MDGA2: variants seen among roughly 807,000 people sequenced by gnomAD.
MDGA2 encodes MAM domain containing glycosylphosphatidylinositol anchor 2.
A neutral mutation model predicts 117.8 loss-of-function variants in MDGA2; 40 were observed. The observed-to-expected ratio is 0.34, with a 90% CI of 0.26 to 0.44. MDGA2 has a LOEUF of 0.44. MDGA2 is among the 20% of genes least tolerant of loss of function. MDGA2 has a pLI of 1.00. For synonymous variants in MDGA2, 452 were observed against 439.0 expected, an observed-to-expected ratio of 1.03 and a Z score of -0.37; for missense variants, 1,123 against 1,250.6, an observed-to-expected ratio of 0.90 and a Z score of 1.54.
chr14:47,662,526 T>C (rs1035132957), intron 1 of MDGA2, among the ~76,000 whole-genome samples: 1 of 152,042 alleles, frequency 6.6e-6, no homozygotes, highest in Non-Finnish European at 1.5e-5. Flanking sequence ...TTAGTATCAA[T>C]GACGACAGAA....
At chr14:47,119,913 A>G (rs995888092) in intron 5 of MDGA2, among the ~76,000 whole-genome samples, 15 of 152,160 alleles carry the variant, frequency 9.9e-5, no homozygotes, top group African/African-American at 3.6e-4. Context: ...TGCACTTAAT[A>G]TGTGACAATC....
At chr14:47,325,403 A>G (rs1233252196) in intron 1 of MDGA2, among the ~76,000 whole-genome samples, 1 of 152,184 alleles carries the variant, frequency 6.6e-6, no homozygotes, top group Non-Finnish European at 1.5e-5. Flanking sequence ...TGATTGTCAG[A>G]AAATAAGCTT....
At chr14:46,947,134 A>G (rs1885198475) in intron 9 of MDGA2, among the ~76,000 whole-genome samples, 1 of 152,088 alleles carries the variant, frequency 6.6e-6, no homozygotes, top group Non-Finnish European at 1.5e-5. Context: ...TTATCTTTGT[A>G]AGATAAACTT....
At chr14:47,026,849 A>T (rs1888490631) in intron 8 of MDGA2, among the ~76,000 whole-genome samples, 1 of 152,166 alleles carries the variant, frequency 6.6e-6, no homozygotes, top group Admixed American at 6.5e-5. Flanking sequence ...AAAAGCCCCC[A>T]GGAACAGAGG....
At chr14:47,651,213 GGTGTGTGTGTGT>G (rs56853118) in intron 1 of MDGA2, among the ~76,000 whole-genome samples, 54 of 146,518 alleles carry the variant, frequency 3.7e-4, no homozygotes, top group African/African-American at 1.1e-3. Flanking sequence ...GTGTGCATGT[GGTGTGTGTGTGT>G]GTGTGTGTGT....
chr14:46,890,546 A>G (rs2138415996), intron 10 of MDGA2, among the ~76,000 whole-genome samples: 1 of 152,226 alleles, frequency 6.6e-6, no homozygotes, highest in Middle Eastern at 3.4e-3. Context: ...AGCAGCCCTC[A>G]GGTAAAGACA....
intron 6 of MDGA2, among the ~76,000 whole-genome samples, chr14:47,062,839 C>T (rs1486645207): frequency 6.6e-6 from 1 of 152,022 alleles, no homozygotes; most frequent in African/African-American, 2.4e-5. Context: ...GTCTTAAAAA[C>T]TTTTCTAAGT....
At chr14:47,153,875 A>G (rs1365133746) in intron 3 of MDGA2, among the ~76,000 whole-genome samples, 4 of 152,264 alleles carry the variant, frequency 2.6e-5, no homozygotes, top group Admixed American at 2.6e-4. Flanking sequence ...AAGACAACAG[A>G]ACTGGAAAGT....
rs367655248 is a variant in MDGA2, at chr14:47,487,940, T to G, written c.281-186390A>C. Among the ~76,000 whole-genome samples the G allele has an allele frequency of 2.0e-5, 3 of 152,270 alleles. No individual in the cohort carries two copies. In the East Asian group the frequency reaches 5.8e-4, roughly 29 times the overall value. ...TATTTTTATGTATCATACCAGAATT[T>G]TCTTGCCTATGAAGCATTGCAGCAG... On this transcript the variant is annotated intron_variant, in intron 1 of 16. Transcript: ENST00000399232.
At chr14:47,505,406 C>A (rs1411235738) in intron 1 of MDGA2, among the ~76,000 whole-genome samples, 1 of 152,132 alleles carries the variant, frequency 6.6e-6, no homozygotes, top group East Asian at 1.9e-4. Flanking sequence ...TATGCACTAA[C>A]TACCCTGACT....
intron 1 of MDGA2, among the ~76,000 whole-genome samples, chr14:47,647,591 T>C (rs951352102): frequency 3.3e-5 from 5 of 152,166 alleles, no homozygotes; most frequent in African/African-American, 9.6e-5. Context: ...TCTCCTCTTA[T>C]AGAAAAAAGT....
intron 1 of MDGA2, among the ~76,000 whole-genome samples, chr14:47,314,239 C>A (rs981884746): frequency 1.3e-5 from 2 of 152,100 alleles, no homozygotes; most frequent in Non-Finnish European, 2.9e-5. Flanking sequence ...ATCATTAATG[C>A]TTAATGGAAC....
At chr14:47,153,147 G>T (rs1883227592) in intron 3 of MDGA2, among the ~76,000 whole-genome samples, 1 of 152,168 alleles carries the variant, frequency 6.6e-6, no homozygotes, top group South Asian at 2.1e-4. Flanking sequence ...TTTTTAGCCA[G>T]GCTTTCGCTT....
intron 3 of MDGA2, among the ~76,000 whole-genome samples, chr14:47,167,586 G>C (rs575275762): frequency 6.6e-6 from 1 of 152,078 alleles, no homozygotes; most frequent in African/African-American, 2.4e-5. Flanking sequence ...AATAGCAAAA[G>C]TGAAGGACTT....
At chr14:47,592,017 T>TAA (rs1376706493) in intron 1 of MDGA2, among the ~76,000 whole-genome samples, 2 of 151,908 alleles carry the variant, frequency 1.3e-5, no homozygotes, top group African/African-American at 4.8e-5. Context: ...AAAAGCTTCT[T>TAA]AAGCTGATAA....
At chr14:47,104,835 C>T (rs1311165148) in intron 5 of MDGA2, among the ~76,000 whole-genome samples, 2 of 152,094 alleles carry the variant, frequency 1.3e-5, no homozygotes, top group East Asian at 1.9e-4. Flanking sequence ...ATCCGGTAAG[C>T]GGCCTCTTTT....
intron 8 of MDGA2, among the ~76,000 whole-genome samples, chr14:46,994,272 G>A (rs551271497): frequency 9.9e-5 from 15 of 152,066 alleles, no homozygotes; most frequent in Admixed American, 2.6e-4. Context: ...TCTTCCTTTG[G>A]CTGATTTTAG....
chr14:47,575,115 G>A (rs997971668), intron 1 of MDGA2, among the ~76,000 whole-genome samples: 23 of 152,254 alleles, frequency 1.5e-4, no homozygotes, highest in African/African-American at 5.5e-4. Flanking sequence ...TTACTTTTCT[G>A]AGTAGATAAT....
At chr14:47,524,635 G>C in intron 1 of MDGA2, among the ~76,000 whole-genome samples, 1 of 152,156 alleles carries the variant, frequency 6.6e-6, no homozygotes, top group Non-Finnish European at 1.5e-5. Flanking sequence ...ACACTATTCA[G>C]CTCCATTTTA....
Sources: allele counts gnomAD v4.1 joint callset (sites outside exome capture counted in the v4.1 genomes callset), GRCh38; gene constraint gnomAD v4.1.1; transcripts MANE v1.5; gene names NCBI Gene and HGNC (gene_info 2026-07-23, HGNC 2026-07-21).